Variants in CNTNAP2 observed in about 807,000 individuals in gnomAD.
The protein encoded by CNTNAP2 is contactin associated protein 2, also known as contactin-associated protein-like 2.
CNTNAP2 carries 98 observed loss-of-function variants against 155.2 expected under a neutral mutation model. The ratio of observed to expected loss-of-function variants is 0.63; its 90% CI spans 0.54 to 0.75. The LOEUF is 0.75. Ranked by LOEUF, CNTNAP2 falls within the 30% of genes least tolerant of loss-of-function variation. The probability of loss-of-function intolerance (pLI) is 0.00; values close to 1 mark genes in which losing one functional copy is unlikely to be tolerated. For missense variants in CNTNAP2, 1,727 were observed against 1,688.1 expected, an observed-to-expected ratio of 1.02 and a Z score of -0.40; for synonymous variants, 651 against 631.2, an observed-to-expected ratio of 1.03 and a Z score of -0.47.
chr7:147,673,353 A>G (rs1002153269), intron 13 of CNTNAP2, among the ~76,000 whole-genome samples: 1 of 152,218 alleles, frequency 6.6e-6, no homozygotes, highest in African/African-American at 2.4e-5. Flanking sequence ...CTGTGCTATT[A>G]CATACATTAT....
At chr7:146,317,926 G>C (rs1434885810) in intron 1 of CNTNAP2, among the ~76,000 whole-genome samples, 1 of 152,178 alleles carries the variant, frequency 6.6e-6, no homozygotes, top group Non-Finnish European at 1.5e-5. Flanking sequence ...CGGATCACGA[G>C]GTCAGGAGAT....
At chr7:148,204,710 C>A (rs575380234) in intron 18 of CNTNAP2, among the ~76,000 whole-genome samples, 49 of 152,064 alleles carry the variant, frequency 3.2e-4, no homozygotes, top group Non-Finnish European at 6.5e-4. Context: ...GTTTTTAATT[C>A]CCAAAGCAGG....
intron 1 of CNTNAP2, among the ~76,000 whole-genome samples, chr7:146,175,179 C>T (rs1425277417): frequency 6.6e-6 from 1 of 151,968 alleles, no homozygotes; most frequent in South Asian, 2.1e-4. Context: ...GGTAATGGAT[C>T]CCCAGAGGCA....
chr7:148,095,518 T>C (rs1317821835), intron 15 of CNTNAP2, among the ~76,000 whole-genome samples: 1 of 152,180 alleles, frequency 6.6e-6, no homozygotes, highest in Non-Finnish European at 1.5e-5. Context: ...GAAAAGATCA[T>C]CTGCATCAGA....
intron 1 of CNTNAP2, among the ~76,000 whole-genome samples, chr7:146,140,084 T>C (rs550956843): frequency 4.7e-4 from 72 of 152,264 alleles, no homozygotes; most frequent in African/African-American, 1.7e-3. Flanking sequence ...CTCCCACCCT[T>C]TCATTTGCTT....
chr7:146,935,899 C>A (rs897099615), intron 3 of CNTNAP2, among the ~76,000 whole-genome samples: 1 of 152,154 alleles, frequency 6.6e-6, no homozygotes, highest in East Asian at 1.9e-4. Flanking sequence ...ATACTTTCAA[C>A]TCTTGGTGTT....
intron 1 of CNTNAP2, among the ~76,000 whole-genome samples, chr7:146,520,260 G>A (rs981660238): frequency 1.5e-4 from 22 of 147,440 alleles, no homozygotes; most frequent in African/African-American, 4.2e-4. Flanking sequence ...TACAGTATTC[G>A]GGCATTGTTA....
chr7:146,976,546 A>G (rs1797914977), intron 3 of CNTNAP2, among the ~76,000 whole-genome samples: 1 of 152,168 alleles, frequency 6.6e-6, no homozygotes, highest in African/African-American at 2.4e-5. Flanking sequence ...GTTTATTATG[A>G]AAGATATGAC....
intron 18 of CNTNAP2, among the ~76,000 whole-genome samples, chr7:148,203,823 G>A (rs985554357): frequency 6.6e-6 from 1 of 152,194 alleles, no homozygotes; most frequent in Admixed American, 6.5e-5. Flanking sequence ...ACAAGCCAGA[G>A]GGGTCATTGC....
chr7:148,054,716 CT>C, intron 15 of CNTNAP2, among the ~76,000 whole-genome samples: 1 of 152,032 alleles, frequency 6.6e-6, no homozygotes, highest in East Asian at 1.9e-4. Flanking sequence ...CCCTGGGAAA[CT>C]TTTAAAATGA....
At chr7:147,933,207 GT>G (rs1168053574) in intron 14 of CNTNAP2, among the ~76,000 whole-genome samples, 1 of 151,974 alleles carries the variant, frequency 6.6e-6, no homozygotes, top group Non-Finnish European at 1.5e-5. Context: ...TACATTGTTG[GT>G]GAAAATAAAA....
chr7:146,434,661 A>G (rs1182850805), intron 1 of CNTNAP2, among the ~76,000 whole-genome samples: 1 of 152,206 alleles, frequency 6.6e-6, no homozygotes, highest in Non-Finnish European at 1.5e-5. Context: ...AGAAGATGAT[A>G]TTGTTAATAA....
chr7:147,671,793 A>C (rs1795791265), intron 13 of CNTNAP2: 1 of 152,236 alleles, frequency 6.6e-6, no homozygotes, highest in South Asian at 2.1e-4. Context: ...AGGCTAATTC[A>C]AATGGGATGG....
At chr7:148,317,200 A>G (rs955513247) in intron 21 of CNTNAP2, among the ~76,000 whole-genome samples, 9 of 152,230 alleles carry the variant, frequency 5.9e-5, no homozygotes, top group Admixed American at 2.0e-4. Flanking sequence ...TACAAAAAAT[A>G]CAGAATTAGC....
intron 11 of CNTNAP2, among the ~76,000 whole-genome samples, chr7:147,519,977 T>A (rs1439781899): frequency 6.6e-6 from 1 of 152,208 alleles, no homozygotes; most frequent in African/African-American, 2.4e-5. Context: ...GTAGGACCAG[T>A]AGGTTAACAT....
chr7:147,376,056 T>C (rs967730053), intron 9 of CNTNAP2, among the ~76,000 whole-genome samples: 13 of 152,070 alleles, frequency 8.5e-5, no homozygotes, highest in Non-Finnish European at 1.6e-4. Context: ...TGATAATGTG[T>C]GGAGTTTTCC....
intron 5 of CNTNAP2, among the ~76,000 whole-genome samples, chr7:147,109,613 A>G (rs1050884908): frequency 5.3e-5 from 8 of 152,162 alleles, no homozygotes; most frequent in African/African-American, 1.4e-4. Flanking sequence ...GAGGTTGTCA[A>G]CTGTTGAATT....
At chr7:146,648,280 A>T (rs937386316) in intron 1 of CNTNAP2, among the ~76,000 whole-genome samples, 40 of 152,174 alleles carry the variant, frequency 2.6e-4, no homozygotes, top group Non-Finnish European at 2.9e-5. Context: ...TTTTCCAAGC[A>T]TATAGGGGGT....
chr7:146,165,058 G>A (rs1386190486), intron 1 of CNTNAP2, among the ~76,000 whole-genome samples: 2 of 152,044 alleles, frequency 1.3e-5, no homozygotes, highest in African/African-American at 4.8e-5. Flanking sequence ...GTGCCCTTAC[G>A]AACTATAATC....
Sources: gnomAD v4.1 joint callset for allele counts (sites outside exome capture counted in the v4.1 genomes callset) on GRCh38, gnomAD v4.1.1 for gene constraint, MANE v1.5 for transcripts, NCBI Gene and HGNC (gene_info 2026-07-23, HGNC 2026-07-21) for gene names.